The following SCN9A variants were observed in gnomAD, a reference collection of about 807,000 sequenced individuals.
SCN9A encodes the protein sodium voltage-gated channel alpha subunit 9.
SCN9A carries 131 observed loss-of-function variants against 187.0 expected under a neutral mutation model. That is an observed-to-expected ratio of 0.70 (90% CI 0.61 to 0.81). SCN9A has a LOEUF of 0.81. Ranked by LOEUF, SCN9A falls within the 30% of genes least tolerant of loss-of-function variation. The pLI is 0.00. For synonymous variants in SCN9A, 809 were observed against 808.6 expected (o/e 1.00, Z -0.01); for missense variants, 2,252 against 2,396.6 (o/e 0.94, Z 1.26).
At chr2:166,335,980 T>C (rs369261656) in intron 1 of SCN9A, among the ~76,000 whole-genome samples, 1 of 152,110 alleles carries the variant, frequency 6.6e-6, no homozygotes, top group African/African-American at 2.4e-5. Flanking sequence ...ATAAGTAATC[T>C]AGAGATGATT....
At position 166,268,139 on chromosome 2, in the gene SCN9A, CTAAT is replaced by C. The variant is rs1696820893; in HGVS notation, c.3351+4256_3351+4259del. 5.3e-5 allele frequency among the ~76,000 whole-genome samples: 8 copies of C among 151,990 alleles called. No homozygotes were observed. In the South Asian group the frequency reaches 1.5e-3, roughly 28 times the overall value. On this transcript the variant is annotated intron_variant, in intron 17 of 26. Transcript: ENST00000642356. ...TGAGCACTTTTCAATAAGCATTTGT[CTAAT>C]TATTTATGAGAATCATATAATCTTT... is the stretch of plus-strand genomic sequence containing the variant.
At position 166,280,571 on chromosome 2, in the gene SCN9A, C is replaced by A; in HGVS notation, c.2129G>T (p.Cys710Phe). 2 of 1,582,914 alleles carry A rather than the reference C, an allele frequency of 1.3e-6. No individual in the cohort carries two copies. Among genetic ancestry groups the A allele is most frequent in the South Asian group, 2.3e-5 (2 of 86,806 alleles). ...TGCAAATCTGTACCACCAAGGTGGACATTTTTGTCTGGACTCTTCAAGTTC... is the reference window on the plus strand; with the variant it reads ...TGCAAATCTGTACCACCAAGGTGGAAATTTTTGTCTGGACTCTTCAAGTTC... ...VEELEESRQK[C>F]PPWWYRFAHK... The change falls in exon 14 of 27, where the codon TGT becomes TTT. Residue 710 changes from cysteine (C) to phenylalanine (F), a missense_variant. Around this residue, in one of 7 missense-constraint regions of SCN9A, gnomAD observed 1,013 missense variants for 997.4 expected, o/e 1.02. Coordinates refer to ENST00000642356, the MANE Select transcript of SCN9A (RefSeq NM_001365536.1).
At chr2:166,223,388 A>G (rs1167183941) in intron 24 of SCN9A, among the ~76,000 whole-genome samples, 2 of 152,242 alleles carry the variant, frequency 1.3e-5, no homozygotes, top group African/African-American at 2.4e-5. Context: ...ACACACACAA[A>G]CACACACTAT....
chr2:166,311,330 C>CAATA (rs1491160674), intron 2 of SCN9A, among the ~76,000 whole-genome samples, 169 bp downstream of exon 2: 1 of 46,718 alleles, frequency 2.1e-5, no homozygotes, highest in Non-Finnish European at 3.6e-5. Context: ...TCTGAATATC[C>CAATA]TATATATATA....
intron 1 of SCN9A, among the ~76,000 whole-genome samples, chr2:166,339,345 G>C (rs1191349890): frequency 2.6e-5 from 4 of 152,058 alleles, no homozygotes; most frequent in African/African-American, 9.7e-5. Flanking sequence ...TCACAGAAAA[G>C]GCTGATTTCA....
rs765616006 is a variant in SCN9A at position 166,284,564 on chromosome 2, A to T, written c.1863T>A (p.Ala621=). 1.1e-5 allele frequency: 17 copies of T among 1,614,028 alleles called. No individual in the cohort carries two copies. The South Asian group carries it at 1.8e-4, about 17-fold the overall frequency. ...MLPVNGKMHS[A]VDCNGVVSLV... is the part of the protein sequence containing the mutation. ...GGGAGACCACACCGTTGCAGTCCAC[A>T]GCACTGTGCATTTTCCCGTTCACCG... Residue 621 remains alanine, a synonymous_variant, in exon 12 of 27, where the codon GCT becomes GCA. Coordinates refer to ENST00000642356, the MANE Select transcript of SCN9A (RefSeq NM_001365536.1).
chr2:166,362,157 A>C (rs1700301155), intron 1 of SCN9A, among the ~76,000 whole-genome samples: 1 of 152,058 alleles, frequency 6.6e-6, no homozygotes, highest in Non-Finnish European at 1.5e-5. Flanking sequence ...GAGGAGTCTA[A>C]AGGAACAGTT....
At chr2:166,249,695 T>TA (rs1358364567) in intron 18 of SCN9A, among the ~76,000 whole-genome samples, 2 of 152,136 alleles carry the variant, frequency 1.3e-5, no homozygotes, top group African/African-American at 4.8e-5. Flanking sequence ...TTTATAGGAT[T>TA]AAAAAAACTT....
intron 24 of SCN9A, among the ~76,000 whole-genome samples, chr2:166,206,987 T>C (rs1271170855): frequency 6.6e-6 from 1 of 152,094 alleles, no homozygotes; most frequent in Non-Finnish European, 1.5e-5. Flanking sequence ...CAACAGTAAA[T>C]AACATAACAT....
intron 26 of SCN9A, among the ~76,000 whole-genome samples, 174 bp downstream of exon 26, chr2:166,203,781 A>C (rs1250310621): frequency 6.6e-6 from 1 of 151,950 alleles, no homozygotes; most frequent in East Asian, 1.9e-4. Context: ...ACCCAGAAAC[A>C]CTGTAGTATG....
At chr2:166,302,527 G>A (rs1431630644) in intron 7 of SCN9A, 1 of 151,996 alleles carries the variant, frequency 6.6e-6, no homozygotes, top group East Asian at 1.9e-4. Context: ...AGTGGATGTT[G>A]ATAAAGCTGA....
rs1364799241 is a variant in SCN9A, at chr2:166,238,140, G to A, written c.3755C>T (p.Thr1252Ile). The A allele has an allele frequency of 6.2e-7, 1 of 1,611,576 alleles. No homozygotes were observed. Among genetic ancestry groups the A allele is most frequent in the Non-Finnish European group, 8.5e-7 (1 of 1,178,676 alleles). ...LLKWIAYGYKTYFTNAWCWLD... is the reference protein window; with the variant it reads ...LLKWIAYGYKIYFTNAWCWLD... ...CCAACACCAGGCATTGGTGAAATAT[G>A]TTTTATAACCATATGCTATCCATTT... The change falls in exon 20 of 27, where the codon ACA (threonine) becomes ATA (isoleucine). Residue 1252 changes from threonine (T) to isoleucine (I), a missense_variant. Transcript: ENST00000642356.
At chr2:166,352,843 C>T (rs1700071488) in intron 1 of SCN9A, among the ~76,000 whole-genome samples, 1 of 152,156 alleles carries the variant, frequency 6.6e-6, no homozygotes, top group South Asian at 2.1e-4. Context: ...CTGTGCTGCT[C>T]CATTCTGTTG....
rs2106524132 is a variant in SCN9A at position 166,304,348 on chromosome 2, A to G, written c.597-19T>C. 7 of 1,596,360 alleles carry G rather than the reference A, an allele frequency of 4.4e-6. No homozygotes were observed. The highest frequency in any genetic ancestry group is 6.0e-6 in the Non-Finnish European group (7 of 1,164,660). On this transcript the variant is annotated intron_variant, in intron 5 of 26. Coordinates refer to ENST00000642356, the MANE Select transcript of SCN9A (RefSeq NM_001365536.1). The stretch of plus-strand genomic sequence containing the variant: ...TAAATACCTGTAGAATTAAATCAGA[A>G]TTATTCAGAATTTAGATAGAGTCTA...
rs576479846 is a variant in SCN9A, at chr2:166,364,041, A to G, written c.-51+11656T>C. On this transcript the variant is annotated intron_variant, in intron 1 of 26. Transcript: ENST00000642356. ...AAATGAACAAAGGATTTGAAAAGAC[A>G]TTTTTCCAAAGAAAGTCAATCAGTA... Among the ~76,000 whole-genome samples, 372 of 152,164 alleles carry G rather than the reference A, an allele frequency of 2.4e-3. 2 individuals are homozygous for G. Among genetic ancestry groups the G allele is most frequent in the African/African-American group, 8.6e-3 (356 of 41,542 alleles).
At chr2:166,211,805 A>G (rs991510531) in intron 24 of SCN9A, among the ~76,000 whole-genome samples, 1 of 152,180 alleles carries the variant, frequency 6.6e-6, no homozygotes, top group African/African-American at 2.4e-5. Flanking sequence ...ATCATAGCAT[A>G]TCACAATAAA....
In SCN9A at chr2:166,305,872, A is replaced by G; in HGVS notation, c.516T>C (p.Leu172=). 6.2e-7 allele frequency: 1 copy of G among 1,613,380 alleles called. No homozygotes were observed. Among genetic ancestry groups the G allele is most frequent in the Non-Finnish European group, 8.5e-7 (1 of 1,179,544 alleles). ...ATTCTCCTACACAGAAGCCTCTTGC[A>G]AGGATTTTTACAAGTGATTCAAAAG... The part of the protein sequence containing the change: ...IYTFESLVKI[L]ARGFCVGEFT... Residue 172 remains leucine (L), a synonymous_variant, in exon 5 of 27, where the codon CTT becomes CTC. Coordinates refer to ENST00000642356, the MANE Select transcript of SCN9A (RefSeq NM_001365536.1).
intron 24 of SCN9A, among the ~76,000 whole-genome samples, chr2:166,225,554 T>C (rs1694811233): frequency 6.6e-6 from 1 of 151,704 alleles, no homozygotes; most frequent in Admixed American, 6.6e-5. Context: ...TCCTCATTTG[T>C]GAAAGAGACT....
chr2:166,303,059 A>C (rs1698625121), intron 7 of SCN9A, 31 bp downstream of exon 7: 1 of 1,432,622 alleles, frequency 7.0e-7, no homozygotes, highest in African/African-American at 1.4e-5. Context: ...GCATTATTTC[A>C]ACCTAATAAC....
Sources: allele counts gnomAD v4.1 joint callset (sites outside exome capture counted in the v4.1 genomes callset), GRCh38; gene constraint gnomAD v4.1.1; regional missense constraint gnomAD v4.1.1; transcripts MANE v1.5; gene names NCBI Gene and HGNC (gene_info 2026-07-23, HGNC 2026-07-21).